The following RGS21 variants were observed in gnomAD, a reference collection of about 807,000 sequenced individuals.
RGS21 encodes regulator of G-protein signalling 21.
In RGS21, 19 loss-of-function variants were observed where a neutral mutation model predicts 18.7. The ratio of observed to expected loss-of-function variants is 1.01; its 90% CI spans 0.71 to 1.49. RGS21 has a LOEUF of 1.49. Ranked by LOEUF, RGS21 falls within the 40% of genes most tolerant of loss-of-function variation. RGS21 has a pLI of 0.00. For synonymous variants in RGS21, 56 were observed against 57.8 expected (o/e 0.97, Z 0.14); for missense variants, 194 against 176.8 (o/e 1.10, Z -0.55).
chr1:192,333,105 G>A (rs1203296588), intron 1 of RGS21, among the ~76,000 whole-genome samples: 1 of 151,994 alleles, frequency 6.6e-6, no homozygotes, highest in African/African-American at 2.4e-5. Context: ...TTAAAATTAA[G>A]ACCAAGATGA....
intron 3 of RGS21, among the ~76,000 whole-genome samples, chr1:192,351,828 TTATA>T (rs973370233): frequency 6.7e-6 from 1 of 148,220 alleles, no homozygotes; most frequent in African/African-American, 2.5e-5. Context: ...TATATATGTG[TTATA>T]TATGTTATAT....
At chr1:192,350,419 T>A (rs1388187113) in intron 3 of RGS21, among the ~76,000 whole-genome samples, 2 of 152,196 alleles carry the variant, frequency 1.3e-5, no homozygotes, top group Non-Finnish European at 2.9e-5. Context: ...CACTTTTCTC[T>A]TATTGTTTTC....
At position 192,347,371 on chromosome 1, in the gene RGS21, A is replaced by G; in HGVS notation, c.70A>G (p.Thr24Ala). ...ETMTWSENMD[T>A]LLANQAGLDA... ...AATGACATGGTCTGAAAATATGGACACGCTTTTAGCCAACCAAGGTAAGAT... is the reference window on the plus strand; with the variant it reads ...AATGACATGGTCTGAAAATATGGACGCGCTTTTAGCCAACCAAGGTAAGAT... The change falls in exon 3 of 5, where the codon ACG (threonine) becomes GCG (alanine). Residue 24 changes from threonine to alanine, a missense_variant. Coordinates refer to ENST00000417209, the MANE Select transcript of RGS21 (RefSeq NM_001039152.3). 6.3e-7 allele frequency: 1 copy of G among 1,598,924 alleles called. No homozygotes were observed. The highest frequency in any genetic ancestry group is 8.6e-7 in the Non-Finnish European group (1 of 1,167,268).
Position 192,367,173 on chromosome 1 carries a change from A to G in RGS21, c.*1049A>G, listed in dbSNP as rs1202967859. ...TGCTTTTAGATTGTTTGAACATTAA[A>G]AAATGGAGGAAAAATAGCATGGCTT... On this transcript the variant is annotated 3_prime_UTR_variant, in exon 5 of 5. Coordinates refer to ENST00000417209, the MANE Select transcript of RGS21 (RefSeq NM_001039152.3). 1 of 152,078 alleles carries G rather than the reference A, an allele frequency of 6.6e-6. No individual in the cohort carries two copies. The highest frequency in any genetic ancestry group is 1.9e-4 in the East Asian group (1 of 5,190). The allele number at this position is 152,078 out of a possible 1,614,324, so 9.4% of individuals were successfully genotyped here.
At chr1:192,343,720 A>C (rs1401683936) in intron 2 of RGS21, among the ~76,000 whole-genome samples, 1 of 152,124 alleles carries the variant, frequency 6.6e-6, no homozygotes, top group East Asian at 1.9e-4. Context: ...TTGGCTTCAG[A>C]TACACAGTGA....
chr1:192,330,021 A>G (rs1191416914), intron 1 of RGS21, among the ~76,000 whole-genome samples: 4 of 152,150 alleles, frequency 2.6e-5, no homozygotes, highest in Admixed American at 6.5e-5. Flanking sequence ...TACGTCCAAC[A>G]TTGTTATTAA....
At chr1:192,362,252 G>A (rs1336029362) in intron 4 of RGS21, among the ~76,000 whole-genome samples, 3 of 152,154 alleles carry the variant, frequency 2.0e-5, no homozygotes, top group East Asian at 1.9e-4. Flanking sequence ...TGGTAAAACT[G>A]ATTTAGTAAT....
chr1:192,358,852 A>G lies in RGS21; in HGVS notation c.255+6639A>G, dbSNP rs1020168182. On this transcript the variant is annotated intron_variant, in intron 4 of 4. Coordinates refer to ENST00000417209, the MANE Select transcript of RGS21 (RefSeq NM_001039152.3). ...TGTAGAGAAAATAAATTTGGTTTGCATCGCTTTCAGTTAACAAAAATCACA... is the reference window on the plus strand; with the variant it reads ...TGTAGAGAAAATAAATTTGGTTTGCGTCGCTTTCAGTTAACAAAAATCACA... Among the ~76,000 whole-genome samples the G allele has an allele frequency of 1.7e-4, 26 of 152,244 alleles. No homozygotes were observed. The East Asian group carries it at 2.5e-3, about 15-fold the overall frequency.
At chr1:192,335,456 A>C (rs1658754115) in intron 1 of RGS21, among the ~76,000 whole-genome samples, 1 of 152,020 alleles carries the variant, frequency 6.6e-6, no homozygotes, top group Admixed American at 6.6e-5. Flanking sequence ...TCATTTTTTG[A>C]GTGTGTTCCT....
intron 3 of RGS21, among the ~76,000 whole-genome samples, chr1:192,349,958 A>C (rs1052436174): frequency 6.6e-6 from 1 of 152,152 alleles, no homozygotes; most frequent in Non-Finnish European, 1.5e-5. Flanking sequence ...ATTAAAGAAC[A>C]CTTTATTCTC....
At chr1:192,351,136 A>G (rs1158571790) in intron 3 of RGS21, among the ~76,000 whole-genome samples, 1 of 152,092 alleles carries the variant, frequency 6.6e-6, no homozygotes, top group Non-Finnish European at 1.5e-5. Context: ...TGGGAGGAGG[A>G]GGAAAACACT....
intron 3 of RGS21, among the ~76,000 whole-genome samples, chr1:192,349,902 C>T (rs111585356): frequency 3.3e-3 from 500 of 152,244 alleles, no homozygotes; most frequent in African/African-American, 0.011. Context: ...TGATGATACA[C>T]TATAAAATAT....
In RGS21 at chr1:192,347,334, A is replaced by G. The variant is rs764845150; in HGVS notation, c.33A>G (p.Pro11=). ...TTAGATGCTGTTTCTACAGGTCACCAACTGCGGAAACAATGACATGGTCTG... is the reference window on the plus strand; with the variant it reads ...TTAGATGCTGTTTCTACAGGTCACCGACTGCGGAAACAATGACATGGTCTG... MPVKCCFYRS[P]TAETMTWSEN... The change falls in exon 3 of 5, where the codon CCA becomes CCG. Residue 11 remains proline, a synonymous_variant. Transcript: ENST00000417209. 2 of 1,608,004 alleles carry G rather than the reference A, an allele frequency of 1.2e-6. No homozygotes were observed. Among genetic ancestry groups the G allele is most frequent in the South Asian group, 1.1e-5 (1 of 90,556 alleles).
chr1:192,349,330 C>T (rs1043735415), intron 3 of RGS21, among the ~76,000 whole-genome samples: 16 of 152,130 alleles, frequency 1.1e-4, no homozygotes, highest in Non-Finnish European at 1.9e-4. Flanking sequence ...GTTTGGTTTG[C>T]TTTTCATAAT....
At chr1:192,339,610 C>T (rs974266248) in intron 1 of RGS21, among the ~76,000 whole-genome samples, 1 of 151,924 alleles carries the variant, frequency 6.6e-6, no homozygotes, top group Non-Finnish European at 1.5e-5. Flanking sequence ...CCTCTTAACC[C>T]CATCTCCTCT....
chr1:192,355,380 T>G (rs1212859456), intron 4 of RGS21, among the ~76,000 whole-genome samples: 1 of 151,692 alleles, frequency 6.6e-6, no homozygotes, highest in Non-Finnish European at 1.5e-5. Context: ...CTTAGCTTAT[T>G]TCTAAGAACA....
intron 1 of RGS21, among the ~76,000 whole-genome samples, chr1:192,336,456 AAAAT>A (rs1244993068): frequency 9.2e-5 from 14 of 152,186 alleles, no homozygotes; most frequent in African/African-American, 1.2e-4. Context: ...CCCCATCTAA[AAAAT>A]AAATAAATAA....
chr1:192,323,743 C>A (rs1369157894), intron 1 of RGS21, among the ~76,000 whole-genome samples: 3 of 151,872 alleles, frequency 2.0e-5, no homozygotes, highest in African/African-American at 7.3e-5. Flanking sequence ...CAACCATCAG[C>A]CTGAAAGTGA....
intron 1 of RGS21, among the ~76,000 whole-genome samples, chr1:192,318,478 C>G (rs553503676): frequency 6.6e-6 from 1 of 152,096 alleles, no homozygotes; most frequent in Non-Finnish European, 1.5e-5. Context: ...AGAAGTTTTA[C>G]GCTGAGCTAA....
Sources: gnomAD v4.1 joint callset for allele counts (sites outside exome capture counted in the v4.1 genomes callset) on GRCh38, gnomAD v4.1.1 for gene constraint, MANE v1.5 for transcripts, NCBI Gene and HGNC (gene_info 2026-07-23, HGNC 2026-07-21) for gene names.